Variants in FSD1L observed in about 807,000 individuals in gnomAD.
FSD1L encodes FSD1-like protein.
In FSD1L, 45 loss-of-function variants were observed where a neutral mutation model predicts 71.6. The ratio of observed to expected loss-of-function variants is 0.63; its 90% CI spans 0.49 to 0.81. FSD1L has a LOEUF of 0.81. Ranked by LOEUF, FSD1L falls within the 30% of genes least tolerant of loss-of-function variation. The pLI, the probability that FSD1L is intolerant of heterozygous loss-of-function variation, is 0.00. For synonymous variants in FSD1L, 197 were observed against 207.2 expected, an observed-to-expected ratio of 0.95 and a Z score of 0.42; for missense variants, 561 against 618.1, an observed-to-expected ratio of 0.91 and a Z score of 0.98.
At chr9:105,466,701 A>AGG (rs1385410202) in intron 3 of FSD1L, among the ~76,000 whole-genome samples, 6 of 152,134 alleles carry the variant, frequency 3.9e-5, no homozygotes, top group Non-Finnish European at 5.9e-5. Context: ...TCAAAAAAAA[A>AGG]AAAAAATAAT....
At chr9:105,453,044 GTTTTTTT>G (rs774826229) in intron 1 of FSD1L, among the ~76,000 whole-genome samples, 21 of 88,244 alleles carry the variant, frequency 2.4e-4, no homozygotes, top group South Asian at 1.6e-3. Flanking sequence ...ACCTAAAGTT[GTTTTTTT>G]TTTTTTTTTT....
intron 2 of FSD1L, 60 bp downstream of exon 2, chr9:105,461,675 A>G (rs563878591): frequency 1.9e-5 from 19 of 998,812 alleles, no homozygotes; most frequent in Non-Finnish European, 2.8e-5. Flanking sequence ...AAATTAGAGC[A>G]TTTAGATGTC....
At chr9:105,495,314 A>T (rs1833293037) in intron 7 of FSD1L, among the ~76,000 whole-genome samples, 1 of 150,376 alleles carries the variant, frequency 6.6e-6, no homozygotes, top group African/African-American at 2.4e-5. Flanking sequence ...CAGGTGCGGG[A>T]TATAATCTCC....
At chr9:105,490,689 G>A (rs1832870410) in intron 7 of FSD1L, among the ~76,000 whole-genome samples, 9 of 130,222 alleles carry the variant, frequency 6.9e-5, no homozygotes, top group African/African-American at 2.1e-4. Flanking sequence ...TGTATAAGGT[G>A]TAAGGAAGGG....
intron 7 of FSD1L, among the ~76,000 whole-genome samples, chr9:105,497,774 A>G (rs1002372069): frequency 6.6e-6 from 1 of 152,156 alleles, no homozygotes; most frequent in Non-Finnish European, 1.5e-5. Flanking sequence ...TCAAAGAACC[A>G]GGTTTTGCTT....
intron 10 of FSD1L, chr9:105,523,328 C>T (rs1346533240): frequency 6.3e-7 from 1 of 1,590,328 alleles, no homozygotes; most frequent in African/African-American, 1.3e-5. Flanking sequence ...AGAAGCTCCA[C>T]CACGCTGTTC....
At chr9:105,442,935 C>T (rs1011377961), upstream of FSD1L, among the ~76,000 whole-genome samples, 3 of 152,194 alleles carry the variant, frequency 2.0e-5, no homozygotes, top group South Asian at 6.2e-4. Context: ...TGCTAGAGAA[C>T]AAGTTAGCTT....
At chr9:105,533,416 C>CT (rs754896606) in intron 10 of FSD1L, among the ~76,000 whole-genome samples, 542 of 29,042 alleles carry the variant, frequency 0.019, 173 homozygotes, top group Non-Finnish European at 0.02. Flanking sequence ...CCATTTCCAT[C>CT]TTTTTTTTTT....
At chr9:105,473,777 A>T (rs896348383) in intron 5 of FSD1L, among the ~76,000 whole-genome samples, 2 of 152,162 alleles carry the variant, frequency 1.3e-5, no homozygotes, top group Admixed American at 6.5e-5. Context: ...TTCTCTTTCT[A>T]TTGACATTTT....
At chr9:105,476,091 C>T (rs745484939) in intron 5 of FSD1L, among the ~76,000 whole-genome samples, 3 of 152,124 alleles carry the variant, frequency 2.0e-5, no homozygotes, top group African/African-American at 4.8e-5. Context: ...TATATTCACC[C>T]ATTACAGATT....
intron 1 of FSD1L, 49 bp from the exon 2 acceptor site, chr9:105,461,471 C>CT: frequency 1.1e-6 from 1 of 888,812 alleles, no homozygotes. Context: ...TTTTCCTTTA[C>CT]TTTTTTGATG....
chr9:105,508,844 A>C, intron 9 of FSD1L, 129 bp downstream of exon 9: 14 of 548,438 alleles, frequency 2.6e-5, no homozygotes, highest in Admixed American at 7.6e-5. Context: ...TAGCTTTCTC[A>C]ACAGTAAGAA....
chr9:105,507,121 T>G (rs930918216), intron 8 of FSD1L, among the ~76,000 whole-genome samples: 1 of 152,250 alleles, frequency 6.6e-6, no homozygotes, highest in African/African-American at 2.4e-5. Flanking sequence ...TTTCTGACTC[T>G]TAAAAAGCTG....
intron 10 of FSD1L, chr9:105,523,104 G>A (rs1835286383): frequency 6.2e-7 from 1 of 1,614,080 alleles, no homozygotes; most frequent in African/African-American, 1.3e-5. Flanking sequence ...TCATCAGAGT[G>A]CTGAAGAGCA....
intron 10 of FSD1L, chr9:105,522,041 G>A: frequency 6.2e-7 from 1 of 1,612,914 alleles, no homozygotes; most frequent in African/African-American, 1.3e-5. Flanking sequence ...TACTGAAGAT[G>A]CCATCACAAG....
intron 7 of FSD1L, among the ~76,000 whole-genome samples, chr9:105,493,990 C>G (rs1471234934): frequency 1.3e-5 from 2 of 152,266 alleles, no homozygotes; most frequent in Middle Eastern, 3.4e-3. Flanking sequence ...TGGAGTTGCT[C>G]TTCTTGAGGA....
chr9:105,512,967 AC>A lies in FSD1L; in HGVS notation c.1025+32del, dbSNP rs778517533. The A allele has an allele frequency of 2.7e-6, 4 of 1,484,140 alleles. No homozygotes were observed. In the African/African-American group the frequency reaches 4.3e-5, roughly 16 times the overall value. The allele number at this position is 1,484,140 out of a possible 1,614,324, so 91.9% of individuals were successfully genotyped here. A position where few individuals can be genotyped will look rare whatever the true frequency, so the allele number is the denominator to read the frequency against. On this transcript the variant is annotated intron_variant, in intron 10 of 13. Coordinates refer to ENST00000481272, the MANE Select transcript of FSD1L (RefSeq NM_001145313.3). ...CTAGACCATTAAATCTGCCATATGGACAAATGCTTGTACACTGGTTCTTATT... is the reference window on the plus strand; with the variant it reads ...CTAGACCATTAAATCTGCCATATGGAAAATGCTTGTACACTGGTTCTTATT...
intron 13 of FSD1L, among the ~76,000 whole-genome samples, chr9:105,546,057 G>A (rs913997652): frequency 6.6e-6 from 1 of 151,996 alleles, no homozygotes; most frequent in African/African-American, 2.4e-5. Context: ...AGTAATGATA[G>A]GTAATACCTT....
intron 6 of FSD1L, among the ~76,000 whole-genome samples, chr9:105,480,665 C>G (rs557399188): frequency 6.6e-6 from 1 of 152,024 alleles, no homozygotes; most frequent in Non-Finnish European, 1.5e-5. Flanking sequence ...TCTTATAAAT[C>G]CTGGATCTAG....
Sources: gnomAD v4.1 joint callset for allele counts (sites outside exome capture counted in the v4.1 genomes callset) on GRCh38, gnomAD v4.1.1 for gene constraint, MANE v1.5 for transcripts, NCBI Gene and HGNC (gene_info 2026-07-23, HGNC 2026-07-21) for gene names.